HERC2: variants seen among roughly 807,000 people sequenced by gnomAD.
The protein encoded by HERC2 is HECT and RLD domain containing E3 ubiquitin protein ligase 2.
A neutral mutation model predicts 537.7 loss-of-function variants in HERC2; 102 were observed. The ratio of observed to expected loss-of-function variants is 0.19; its 90% CI spans 0.16 to 0.22. The LOEUF is 0.22. Among genes scored for constraint, HERC2 ranks in the 10% least tolerant of loss-of-function variants. HERC2 has a pLI of 1.00. For synonymous variants in HERC2, 2,224 were observed against 2,466.2 expected (o/e 0.90, Z 2.91); for missense variants, 4,236 against 6,198.2 (o/e 0.68, Z 10.63).
intron 34 of HERC2, 119 bp downstream of exon 34, chr15:28,229,070 ATACAAG>A: frequency 5.5e-6 from 5 of 914,878 alleles, no homozygotes; most frequent in Middle Eastern, 3.4e-4. Flanking sequence ...AGCATAGATT[ATACAAG>A]TACAAAGTAC....
At chr15:28,112,670 C>T (rs1595959591) in intron 92 of HERC2, among the ~76,000 whole-genome samples, 1 of 152,102 alleles carries the variant, frequency 6.6e-6, no homozygotes, top group Non-Finnish European at 1.5e-5. Flanking sequence ...TTCTGACCAC[C>T]GGCCCACAGA....
At chr15:28,188,339 G>A (rs1434554627) in intron 55 of HERC2, among the ~76,000 whole-genome samples, 1 of 151,972 alleles carries the variant, frequency 6.6e-6, no homozygotes, top group African/African-American at 2.4e-5. Flanking sequence ...TCAGGAGATC[G>A]AGACCATCCT....
intron 10 of HERC2, 151 bp from the exon 11 acceptor site, chr15:28,269,587 T>C: frequency 4.8e-6 from 3 of 621,778 alleles, no homozygotes; most frequent in East Asian, 5.5e-5. Flanking sequence ...CCAGCCTGTA[T>C]TACCTCATTT....
chr15:28,292,057 G>A (rs760662568), intron 4 of HERC2, among the ~76,000 whole-genome samples: 1 of 150,814 alleles, frequency 6.6e-6, no homozygotes, highest in East Asian at 1.9e-4. Flanking sequence ...GTGAAACTTC[G>A]TCTCTACTAA....
chr15:28,128,679 A>C (rs1006843733), intron 83 of HERC2, among the ~76,000 whole-genome samples: 1 of 152,244 alleles, frequency 6.6e-6, no homozygotes, highest in Admixed American at 6.5e-5. Context: ...CACTGCTGCC[A>C]TAACACATCC....
intron 3 of HERC2, among the ~76,000 whole-genome samples, chr15:28,297,561 A>T (rs546394180): frequency 3.0e-3 from 457 of 152,262 alleles, no homozygotes; most frequent in African/African-American, 0.01. Context: ...TTTAAAAAAA[A>T]AAACATGAAA....
At chr15:28,286,874 G>C (rs1486467424) in intron 4 of HERC2, among the ~76,000 whole-genome samples, 1 of 152,098 alleles carries the variant, frequency 6.6e-6, no homozygotes, top group Non-Finnish European at 1.5e-5. Flanking sequence ...CCTGCTGAGG[G>C]CCTACACGCT....
intron 69 of HERC2, among the ~76,000 whole-genome samples, chr15:28,161,263 T>TA (rs1046578819): frequency 2.9e-4 from 44 of 152,308 alleles, no homozygotes; most frequent in African/African-American, 1.0e-3. Flanking sequence ...ATTTTTTTTT[T>TA]AAATATAATT....
At chr15:28,114,919 C>A in intron 89 of HERC2, 117 bp from the exon 90 acceptor site, 1 of 786,904 alleles carries the variant, frequency 1.3e-6, no homozygotes, top group Non-Finnish European at 2.1e-6. Context: ...AAGTGCATCT[C>A]GAGGCTGCAA....
intron 50 of HERC2, 42 bp downstream of exon 50, chr15:28,198,336 G>A: frequency 6.3e-7 from 1 of 1,597,184 alleles, no homozygotes. Context: ...ATGCGTTAAT[G>A]AAAAGTTAAC....
intron 16 of HERC2, 53 bp downstream of exon 16, chr15:28,260,724 C>A: frequency 6.6e-7 from 1 of 1,517,394 alleles, no homozygotes; most frequent in Non-Finnish European, 9.1e-7. Flanking sequence ...TGGTAATGAA[C>A]AACTGGAAAC....
intron 88 of HERC2, among the ~76,000 whole-genome samples, chr15:28,115,979 C>T (rs1317402190): frequency 6.6e-6 from 1 of 152,164 alleles, no homozygotes; most frequent in Non-Finnish European, 1.5e-5. Context: ...ACTCTGATCC[C>T]AAGTCTCAGA....
chr15:28,280,514 G>A (rs1393746712), intron 4 of HERC2, among the ~76,000 whole-genome samples: 2 of 152,156 alleles, frequency 1.3e-5, no homozygotes, highest in Non-Finnish European at 2.9e-5. Flanking sequence ...GCACCAAGTG[G>A]TTAAGCAACT....
chr15:28,147,142 G>C (rs1481759706), intron 70 of HERC2, among the ~76,000 whole-genome samples: 1 of 151,078 alleles, frequency 6.6e-6, no homozygotes, highest in Admixed American at 6.6e-5. Context: ...AATGTCTAGA[G>C]TGAGGGAAAA....
At chr15:28,238,510 C>G in intron 24 of HERC2, 92 bp downstream of exon 24, 6 of 1,085,994 alleles carry the variant, frequency 5.5e-6, no homozygotes, top group Non-Finnish European at 6.7e-6. Flanking sequence ...GGGGCTGGCA[C>G]AAAACTAAAG....
chr15:28,255,538 A>G (rs1407345554), intron 19 of HERC2, among the ~76,000 whole-genome samples: 2 of 152,222 alleles, frequency 1.3e-5, no homozygotes, highest in East Asian at 3.9e-4. Flanking sequence ...TGCGACACTC[A>G]GAGCAGGAAA....
intron 69 of HERC2, among the ~76,000 whole-genome samples, chr15:28,154,831 A>T (rs1892820869): frequency 6.6e-6 from 1 of 152,054 alleles, no homozygotes; most frequent in Admixed American, 6.5e-5. Context: ...TTTGTTACAT[A>T]TGTACACATG....
intron 90 of HERC2, among the ~76,000 whole-genome samples, chr15:28,114,221 C>T (rs1201539871): frequency 1.3e-5 from 2 of 152,186 alleles, no homozygotes; most frequent in African/African-American, 2.4e-5. Flanking sequence ...CCCAAAGGAC[C>T]GTGCACAGTC....
At chr15:28,187,426 G>A (rs559994541) in intron 55 of HERC2, among the ~76,000 whole-genome samples, 2 of 151,992 alleles carry the variant, frequency 1.3e-5, no homozygotes, top group South Asian at 4.2e-4. Flanking sequence ...CTGCCTCCCG[G>A]GTTCAAGCGA....
Sources: allele counts gnomAD v4.1 joint callset (sites outside exome capture counted in the v4.1 genomes callset), GRCh38; gene constraint gnomAD v4.1.1; transcripts MANE v1.5; gene names NCBI Gene and HGNC (gene_info 2026-07-23, HGNC 2026-07-21).